The following CES4A variants were observed in gnomAD, a reference collection of about 807,000 sequenced individuals.
The protein encoded by CES4A is carboxylesterase 6.
In CES4A, 48 loss-of-function variants were observed where a neutral mutation model predicts 65.4. That is an observed-to-expected ratio of 0.73 (90% confidence interval 0.58 to 0.93). The LOEUF is 0.93. Among genes scored for constraint, CES4A ranks in the 40% least tolerant of loss-of-function variants. The pLI, the probability that CES4A is intolerant of heterozygous loss-of-function variation, is 0.00. For missense variants in CES4A, 685 were observed against 728.5 expected, an observed-to-expected ratio of 0.94 and a Z score of 0.69; for synonymous variants, 247 against 281.8, an observed-to-expected ratio of 0.88 and a Z score of 1.24.
Position 67,003,618 on chromosome 16 carries a change from G to A in CES4A, c.939+65G>A. On this transcript the variant is annotated intron_variant, in intron 8 of 13. Transcript: ENST00000648724. This position sits in a 1 kb window ranked among gnomAD's most constrained non-coding sequence, Gnocchi z 4.2. ...CACCTACTTTGTGCCAGGCACTTGG[G>A]ATACTTAGGGAATTGTTCAGGCCAA... 7.6e-7 allele frequency: 1 copy of A among 1,319,616 alleles called. No homozygotes were observed. The highest frequency in any genetic ancestry group is 1.1e-6 in the Non-Finnish European group (1 of 911,998). The allele number at this position is 1,319,616 out of a possible 1,614,324, so 81.7% of individuals were successfully genotyped here.
intron 1 of CES4A, among the ~76,000 whole-genome samples, chr16:66,993,858 T>C (rs1387204610): frequency 1.3e-5 from 2 of 151,868 alleles, no homozygotes; most frequent in Admixed American, 1.3e-4. Context: ...TCCCAGCAGT[T>C]TGGGAGGCTG....
chr16:67,001,148 C>A lies in CES4A; in HGVS notation c.536+158C>A. The stretch of plus-strand genomic sequence containing the variant: ...GGTGGAAGGGGCGGGCGCTCCATAC[C>A]ATCTGGATGGGGCGAGCTAACTCCA... On this transcript the variant is annotated intron_variant, in intron 4 of 13. Transcript: ENST00000648724. The surrounding 1 kb of genome is among the most constrained non-coding windows in gnomAD (Gnocchi z 4.1). 2 of 1,359,706 alleles carry A rather than the reference C, an allele frequency of 1.5e-6. No individual in the cohort carries two copies. The highest frequency in any genetic ancestry group is 2.0e-6 in the Non-Finnish European group (2 of 1,017,136). 84.2% of individuals were successfully genotyped at this position (1,359,706 alleles called of 1,614,324 possible). A position where few individuals can be genotyped will look rare whatever the true frequency, so the allele number is the denominator to read the frequency against.
chr16:67,005,390 C>G, exon 11 of CES4A: 1 of 1,613,704 alleles, frequency 6.2e-7, no homozygotes, highest in Non-Finnish European at 8.5e-7. Context: ...TCACTACCAC[C>G]GAGGTATGCA....
At chr16:66,995,091 C>A (rs1964725010) in intron 1 of CES4A, among the ~76,000 whole-genome samples, 1 of 151,746 alleles carries the variant, frequency 6.6e-6, no homozygotes, top group African/African-American at 2.4e-5. Flanking sequence ...GCGGGCAGAT[C>A]ACGAGGTCAG....
At chr16:66,995,331 A>G (rs1181588597) in intron 1 of CES4A, among the ~76,000 whole-genome samples, 1 of 151,782 alleles carries the variant, frequency 6.6e-6, no homozygotes, top group African/African-American at 2.4e-5. Flanking sequence ...AAATAAATAA[A>G]TAAATAAATA....
intron 2 of CES4A, among the ~76,000 whole-genome samples, chr16:66,998,548 T>C (rs1965039890): frequency 1.3e-5 from 2 of 152,084 alleles, no homozygotes; most frequent in African/African-American, 4.8e-5. Flanking sequence ...TGTCACTGCA[T>C]TGCTGCCTGG....
exon 14 of CES4A, chr16:67,009,178 GC>G: frequency 1.9e-6 from 3 of 1,588,834 alleles, no homozygotes; most frequent in Non-Finnish European, 2.6e-6. Context: ...AGAGGGGTTT[GC>G]CCCCACCATC....
rs573204522 is a variant in CES4A at position 67,001,537 on chromosome 16, G to A, written c.690+76G>A. 8 of 1,463,934 alleles carry A rather than the reference G, an allele frequency of 5.5e-6. No individual in the cohort carries two copies. Among genetic ancestry groups the A allele is most frequent in the East Asian group, 2.3e-5 (1 of 42,946 alleles). 90.7% of individuals were successfully genotyped at this position (1,463,934 alleles called of 1,614,324 possible). ...CCACAAATGTATGCTCCACTGCACA[G>A]GCCATGTGCAGATTTGCGTGTACAG... On this transcript the variant is annotated intron_variant, in intron 5 of 13. Coordinates refer to ENST00000648724, the Ensembl canonical transcript of CES4A. The surrounding 1 kb of genome is among the most constrained non-coding windows in gnomAD (Gnocchi z 4.1).
intron 2 of CES4A, among the ~76,000 whole-genome samples, chr16:66,999,031 G>A (rs1456403916): frequency 6.6e-6 from 1 of 152,230 alleles, no homozygotes; most frequent in Non-Finnish European, 1.5e-5. Flanking sequence ...AGCCTTGGCT[G>A]TTCATAATCC....
Position 66,988,828 on chromosome 16 carries a change from TG to T in CES4A, c.58+1del. On this transcript the variant is annotated frameshift_variant and splice_region_variant, in exon 1 of 14. Transcript: ENST00000648724. LOFTEE classifies it high-confidence loss of function. ...CTCTGCCTGATGGCGCAGACGGCCT[TG>T]GGTAAGACCCCCACCCCTTCCCGAG... 1 of 1,565,334 alleles carries T rather than the reference TG, an allele frequency of 6.4e-7. No homozygotes were observed.
intron 5 of CES4A, among the ~76,000 whole-genome samples, chr16:67,002,475 T>A (rs1965434674): frequency 6.6e-6 from 1 of 151,688 alleles, no homozygotes; most frequent in South Asian, 2.1e-4. Flanking sequence ...GCAGGAAAGA[T>A]GGAGAGCAGA....
Position 67,005,233 on chromosome 16 carries a change from C to T in CES4A, c.1162-7C>T. 6.2e-7 allele frequency: 1 copy of T among 1,614,036 alleles called. No homozygotes were observed. Among genetic ancestry groups the T allele is most frequent in the Non-Finnish European group, 8.5e-7 (1 of 1,180,000 alleles). ...AGGCCTCAGGTAAGTGTGGCCTCCT[C>T]ACTCAGAATATCACCAAGGAGCAGG... On this transcript the variant is annotated splice_polypyrimidine_tract_variant and splice_region_variant and intron_variant, in intron 10 of 13. Coordinates refer to ENST00000648724, the Ensembl canonical transcript of CES4A.
At chr16:67,007,090 ACTGGGAG>A (rs1965826691) in intron 13 of CES4A, 2 of 428,240 alleles carry the variant, frequency 4.7e-6, no homozygotes, top group East Asian at 7.9e-5. Context: ...CAGCCCCAGT[ACTGGGAG>A]CTGGAATTCA....
intron 5 of CES4A, 74 bp from the exon 6 acceptor site, chr16:67,002,996 C>A: frequency 7.5e-7 from 1 of 1,327,284 alleles, no homozygotes; most frequent in Non-Finnish European, 1.1e-6. Flanking sequence ...TGCCCATGGC[C>A]AGACAGATGC....
At position 67,000,900 on chromosome 16, in the gene CES4A, C is replaced by T. The variant is rs748035220; in HGVS notation, c.446C>T (p.Ala149Val). 5 of 1,611,732 alleles carry T rather than the reference C, an allele frequency of 3.1e-6. No homozygotes were observed. The Admixed American group carries it at 6.7e-5, about 22-fold the overall frequency. The stretch of plus-strand genomic sequence containing the variant: ...GGAGGCGCCTTCATCGTGGGCGCTG[C>T]TTCTTCGTACGAGGGCTCTGACTTG... Residue 149 changes from alanine (A) to valine (V), a missense_variant, in exon 4 of 14, where the codon GCT becomes GTT. Transcript: ENST00000648724. This position sits in a 1 kb window ranked among gnomAD's most constrained non-coding sequence, Gnocchi z 4.2.
At chr16:67,004,294 T>C (rs1417483499) in intron 9 of CES4A, 70 bp downstream of exon 9, 5 of 1,570,376 alleles carry the variant, frequency 3.2e-6, no homozygotes, top group Admixed American at 3.4e-5. Context: ...CAGGGAAGGA[T>C]GCCTCTTGGA....
intron 9 of CES4A, 28 bp from the exon 10 acceptor site, chr16:67,004,765 C>G: frequency 6.5e-7 from 1 of 1,530,676 alleles, no homozygotes; most frequent in East Asian, 2.4e-5. Flanking sequence ...AGGCCTGACC[C>G]ACACTGGGGT....
Position 67,006,520 on chromosome 16 carries a change from G to T in CES4A, c.1444+1G>T, listed in dbSNP as rs1357859122. Reference sequence around the variant, plus strand: ...CTCTTTGGGGGCCCCTTCGCCACAGGTGCAAAGGTCCCACCTGATACCCCA... The same window carrying T: ...CTCTTTGGGGGCCCCTTCGCCACAGTTGCAAAGGTCCCACCTGATACCCCA... On this transcript the variant is annotated splice_donor_variant, in intron 12 of 13. Coordinates refer to ENST00000648724, the Ensembl canonical transcript of CES4A. LOFTEE classifies it high-confidence loss of function. The T allele has an allele frequency of 2.0e-6, 3 of 1,538,078 alleles. No homozygotes were observed. Among genetic ancestry groups the T allele is most frequent in the East Asian group, 2.4e-5 (1 of 40,948 alleles).
intron 1 of CES4A, among the ~76,000 whole-genome samples, chr16:66,990,456 G>A (rs1964301103): frequency 6.6e-6 from 1 of 152,138 alleles, no homozygotes; most frequent in Non-Finnish European, 1.5e-5. Flanking sequence ...CAGCATTTTG[G>A]GAGTCTGATG....
Sources: allele counts gnomAD v4.1 joint callset (sites outside exome capture counted in the v4.1 genomes callset), GRCh38; gene constraint gnomAD v4.1.1; non-coding constraint Gnocchi (gnomAD v3.1); transcripts MANE v1.5; gene names NCBI Gene and HGNC (gene_info 2026-07-23, HGNC 2026-07-21).